SORCS1: variants seen among roughly 807,000 people sequenced by gnomAD.
The protein encoded by SORCS1 is VPS10 domain-containing receptor SorCS1.
A neutral mutation model predicts 146.1 loss-of-function variants in SORCS1; 60 were observed. The ratio of observed to expected loss-of-function variants is 0.41; its 90% CI spans 0.33 to 0.51. The LOEUF is 0.51. Among genes scored for constraint, SORCS1 ranks in the 20% least tolerant of loss-of-function variants. SORCS1 has a pLI of 0.21. For synonymous variants in SORCS1, 637 were observed against 584.0 expected, an observed-to-expected ratio of 1.09 and a Z score of -1.31; for missense variants, 1,352 against 1,487.6, an observed-to-expected ratio of 0.91 and a Z score of 1.50.
intron 5 of SORCS1, among the ~76,000 whole-genome samples, chr10:106,743,006 T>C (rs1857466697): frequency 6.6e-6 from 1 of 152,156 alleles, no homozygotes; most frequent in African/African-American, 2.4e-5. Context: ...TGTAAACTCC[T>C]TGGCCAAGGA....
chr10:107,147,067 T>C (rs1968392250), intron 1 of SORCS1, among the ~76,000 whole-genome samples: 1 of 152,122 alleles, frequency 6.6e-6, no homozygotes, highest in Admixed American at 6.5e-5. Flanking sequence ...AATTCTATCA[T>C]ACCCCAACTT....
At chr10:107,110,540 C>G (rs117759833) in intron 1 of SORCS1, among the ~76,000 whole-genome samples, 1,587 of 152,060 alleles carry the variant, frequency 0.01, 10 homozygotes, top group Admixed American at 0.017. Context: ...GACTAGATCT[C>G]ATGAGAACTC....
chr10:106,788,376 T>C (rs1437318135), intron 3 of SORCS1, among the ~76,000 whole-genome samples: 1 of 152,222 alleles, frequency 6.6e-6, no homozygotes. Flanking sequence ...CATTTCAGCA[T>C]TGACTCGAAA....
At chr10:106,741,858 C>G (rs1857389547) in intron 5 of SORCS1, among the ~76,000 whole-genome samples, 1 of 152,258 alleles carries the variant, frequency 6.6e-6, no homozygotes, top group Middle Eastern at 3.4e-3. Context: ...CATTCTCTCC[C>G]TTCTCAGAAA....
At chr10:106,926,852 CACACACACACACACAGAG>C (rs1321634060) in intron 2 of SORCS1, among the ~76,000 whole-genome samples, 4,082 of 116,230 alleles carry the variant, frequency 0.035, 66 homozygotes, top group Non-Finnish European at 0.046. Context: ...CACACACACA[CACACACACACACACAGAG>C]AGAGAGAGAG....
chr10:106,985,037 A>G (rs1293119950), intron 1 of SORCS1, among the ~76,000 whole-genome samples: 2 of 152,052 alleles, frequency 1.3e-5, no homozygotes, highest in Non-Finnish European at 2.9e-5. Flanking sequence ...AAATTACAAA[A>G]TCAGCTGGGC....
At position 106,843,626 on chromosome 10, in the gene SORCS1, G is replaced by A. The variant is rs1278504746; in HGVS notation, c.627-13953C>T. Among the ~76,000 whole-genome samples the A allele has an allele frequency of 4.6e-5, 7 of 151,920 alleles. No homozygotes were observed. The South Asian group carries it at 6.2e-4, about 14-fold the overall frequency. ...CTGTTTTTGTATTTTTAGTAGAGACGGGATTTCACCGTGTTAGCCAGGATG... is the reference window on the plus strand; with the variant it reads ...CTGTTTTTGTATTTTTAGTAGAGACAGGATTTCACCGTGTTAGCCAGGATG... On this transcript the variant is annotated intron_variant, in intron 2 of 25. Coordinates refer to ENST00000263054, the MANE Select transcript of SORCS1 (RefSeq NM_052918.5).
At chr10:107,046,901 A>T (rs1044189245) in intron 1 of SORCS1, among the ~76,000 whole-genome samples, 1 of 152,266 alleles carries the variant, frequency 6.6e-6, no homozygotes, top group Admixed American at 6.5e-5. Flanking sequence ...TCCCTCTATC[A>T]TGATGGTGGC....
chr10:107,097,588 C>A (rs1184583562), intron 1 of SORCS1, among the ~76,000 whole-genome samples: 1 of 152,150 alleles, frequency 6.6e-6, no homozygotes, highest in Non-Finnish European at 1.5e-5. Flanking sequence ...CCACCCCTAG[C>A]CCCAGCCTCT....
chr10:106,857,307 C>T (rs921903406), intron 2 of SORCS1, among the ~76,000 whole-genome samples: 5 of 152,172 alleles, frequency 3.3e-5, no homozygotes, highest in Non-Finnish European at 7.3e-5. Flanking sequence ...ACCCCACAGA[C>T]GGAAGATGCC....
chr10:107,129,087 G>A (rs1179582503), intron 1 of SORCS1, among the ~76,000 whole-genome samples: 1 of 152,212 alleles, frequency 6.6e-6, no homozygotes, highest in Admixed American at 6.5e-5. Context: ...TCAGATTCAA[G>A]ACACCAAGTA....
At chr10:106,633,358 A>C (rs75609190) in intron 18 of SORCS1, among the ~76,000 whole-genome samples, 10,337 of 152,162 alleles carry the variant, frequency 0.068, 436 homozygotes, top group East Asian at 0.2. Flanking sequence ...GAAATATATA[A>C]TAAATTATTG....
intron 2 of SORCS1, among the ~76,000 whole-genome samples, chr10:106,924,798 T>G (rs988439089): frequency 1.3e-5 from 2 of 151,256 alleles, no homozygotes; most frequent in Non-Finnish European, 2.9e-5. Context: ...GCAACCTGAT[T>G]GCAGTGTGAA....
At chr10:106,651,577 G>A (rs1056687163) in intron 18 of SORCS1, among the ~76,000 whole-genome samples, 2 of 152,128 alleles carry the variant, frequency 1.3e-5, no homozygotes, top group African/African-American at 4.8e-5. Context: ...TTAATCCTGG[G>A]TGTCATTGTT....
intron 2 of SORCS1, among the ~76,000 whole-genome samples, chr10:106,904,473 G>GA (rs1035503059): frequency 9.2e-5 from 14 of 152,228 alleles, no homozygotes; most frequent in African/African-American, 2.9e-4. Context: ...TACTGATGGG[G>GA]AAAAAAATCA....
intron 2 of SORCS1, among the ~76,000 whole-genome samples, chr10:106,876,079 T>A (rs138780932): frequency 2.0e-5 from 3 of 152,304 alleles, no homozygotes; most frequent in Admixed American, 6.5e-5. Context: ...TTTTAATATT[T>A]CTTCAATTTA....
At chr10:107,093,136 G>A (rs537407894) in intron 1 of SORCS1, among the ~76,000 whole-genome samples, 17 of 152,078 alleles carry the variant, frequency 1.1e-4, no homozygotes, top group Admixed American at 2.0e-4. Context: ...AACTCAAGCC[G>A]CCTGACTGCA....
At position 106,574,431 on chromosome 10, in the gene SORCS1, C is replaced by T. The variant is rs12359404; in HGVS notation, c.*2989G>A. The T allele has an allele frequency of 0.041, 6,220 of 152,582 alleles. 193 individuals carry two copies. Among genetic ancestry groups the T allele is most frequent in the East Asian group, 0.14 (726 of 5,162 alleles). The allele number at this position is 152,582 out of a possible 1,614,324, so 9.5% of individuals were successfully genotyped here. ...CTTGTGTGTTTGCACCTGCGATTAGCGAGTAGGTAGGCACTTAGGTCCCTC... is the reference window on the plus strand; with the variant it reads ...CTTGTGTGTTTGCACCTGCGATTAGTGAGTAGGTAGGCACTTAGGTCCCTC... On this transcript the variant is annotated 3_prime_UTR_variant, in exon 26 of 26. Transcript: ENST00000263054.
At chr10:107,071,509 C>T (rs927344983) in intron 1 of SORCS1, among the ~76,000 whole-genome samples, 1 of 152,106 alleles carries the variant, frequency 6.6e-6, no homozygotes, top group Non-Finnish European at 1.5e-5. Context: ...CCCCTGGAGC[C>T]CTTGCAATGT....
Sources: allele counts gnomAD v4.1 joint callset (sites outside exome capture counted in the v4.1 genomes callset), GRCh38; gene constraint gnomAD v4.1.1; transcripts MANE v1.5; gene names NCBI Gene and HGNC (gene_info 2026-07-23, HGNC 2026-07-21).